The following GNRHR variants were observed in gnomAD, a reference collection of about 807,000 sequenced individuals.
The protein encoded by GNRHR is gonadotropin-releasing hormone receptor.
A neutral mutation model predicts 28.1 loss-of-function variants in GNRHR; 14 were observed. The ratio of observed to expected loss-of-function variants is 0.50; its 90% CI spans 0.33 to 0.78. The LOEUF is 0.78. GNRHR is among the 30% of genes least tolerant of loss of function. The pLI is 0.02. For synonymous variants in GNRHR, 141 were observed against 140.5 expected (o/e 1.00, Z -0.02); for missense variants, 366 against 382.1 (o/e 0.96, Z 0.35).
chr4:67,752,026 C>T (rs990493264), intron 1 of GNRHR, among the ~76,000 whole-genome samples: 2 of 152,254 alleles, frequency 1.3e-5, no homozygotes, highest in Non-Finnish European at 2.9e-5. Flanking sequence ...CTATTATTAA[C>T]TCTCTCAATC....
At chr4:67,753,504 T>C (rs963496305) in intron 1 of GNRHR, 4 of 271,740 alleles carry the variant, frequency 1.5e-5, no homozygotes, top group Non-Finnish European at 2.8e-5. Flanking sequence ...AATCGCATTT[T>C]TTTTGGGGAA....
At chr4:67,746,677 A>G (rs1305129706) in intron 1 of GNRHR, among the ~76,000 whole-genome samples, 1 of 152,008 alleles carries the variant, frequency 6.6e-6, no homozygotes, top group Non-Finnish European at 1.5e-5. Context: ...TACAATATTA[A>G]GAAACATGAT....
intron 1 of GNRHR, among the ~76,000 whole-genome samples, chr4:67,752,905 T>C (rs1462703293): frequency 6.6e-6 from 1 of 152,202 alleles, no homozygotes; most frequent in East Asian, 1.9e-4. Flanking sequence ...TTAATTCTGA[T>C]TTATTTCTTG....
intron 2 of GNRHR, among the ~76,000 whole-genome samples, chr4:67,741,538 GC>G (rs1200219643): frequency 1.3e-5 from 2 of 152,016 alleles, no homozygotes; most frequent in Non-Finnish European, 2.9e-5. Flanking sequence ...TTCATATAAT[GC>G]CTTTTTTCCC....
chr4:67,743,209 C>T (rs866900889), intron 2 of GNRHR, among the ~76,000 whole-genome samples: 1 of 152,192 alleles, frequency 6.6e-6, no homozygotes, highest in Non-Finnish European at 1.5e-5. Flanking sequence ...GCTTCGGCCT[C>T]CCAAAGTGCT....
intron 2 of GNRHR, among the ~76,000 whole-genome samples, chr4:67,741,514 G>C (rs531365582): frequency 2.0e-5 from 3 of 152,190 alleles, no homozygotes; most frequent in South Asian, 4.1e-4. Flanking sequence ...GAACATTCCT[G>C]TGCAAGTATC....
intron 1 of GNRHR, among the ~76,000 whole-genome samples, chr4:67,750,745 GA>G (rs1299311139): frequency 6.6e-6 from 1 of 151,912 alleles, no homozygotes; most frequent in Non-Finnish European, 1.5e-5. Flanking sequence ...TCAAATAATA[GA>G]AAATCGGTAT....
chr4:67,753,383 GCAAATT>G (rs779598698), intron 1 of GNRHR, among the ~76,000 whole-genome samples: 24 of 152,002 alleles, frequency 1.6e-4, no homozygotes, highest in Non-Finnish European at 3.1e-4. Flanking sequence ...TTCTACCTAG[GCAAATT>G]TCATAATTCC....
Position 67,739,340 on chromosome 4 carries a change from G to A in GNRHR, c.*1140C>T, listed in dbSNP as rs1731612456. On this transcript the variant is annotated 3_prime_UTR_variant, in exon 3 of 3. Transcript: ENST00000226413. ...GTCTAGTCTATCCCCTTAAGATTGT[G>A]TTTTTTAAATGCACAAAATAATACA... 1 of 151,946 alleles carries A rather than the reference G, an allele frequency of 6.6e-6. No homozygotes were observed. The highest frequency in any genetic ancestry group is 1.5e-5 in the Non-Finnish European group (1 of 67,894). 9.4% of individuals were successfully genotyped at this position (151,946 alleles called of 1,614,324 possible).
chr4:67,744,166 G>T (rs545643117), intron 2 of GNRHR, among the ~76,000 whole-genome samples: 9 of 152,260 alleles, frequency 5.9e-5, no homozygotes, highest in African/African-American at 2.2e-4. Flanking sequence ...AAATATATGG[G>T]ATTTGAATAT....
intron 2 of GNRHR, among the ~76,000 whole-genome samples, chr4:67,743,017 A>G (rs1220012484): frequency 1.3e-5 from 2 of 151,814 alleles, no homozygotes. Context: ...CAATGGTACA[A>G]TCTTGGCTCA....
In GNRHR at chr4:67,739,196, A is replaced by T. The variant is rs1321654710; in HGVS notation, c.*1284T>A. On this transcript the variant is annotated 3_prime_UTR_variant, in exon 3 of 3. Transcript: ENST00000226413. ...TTCATCCCTTTCCATTTTTCATGGA[A>T]GAGGTAGACACAAGCCTGAATTACA... The T allele has an allele frequency of 2.0e-5, 3 of 151,964 alleles. No homozygotes were observed. The highest frequency in any genetic ancestry group is 4.4e-5 in the Non-Finnish European group (3 of 67,884). 9.4% of individuals were successfully genotyped at this position (151,964 alleles called of 1,614,324 possible).
At chr4:67,752,799 G>GT (rs138040976) in intron 1 of GNRHR, among the ~76,000 whole-genome samples, 66,040 of 123,184 alleles carry the variant, frequency 0.54, 16,134 homozygotes, top group South Asian at 0.69. Context: ...CTGCATGGCA[G>GT]TTTTTTTTTG....
rs147203782 is a variant in GNRHR at position 67,742,265 on chromosome 4, C to G, written c.743-1541G>C. On this transcript the variant is annotated intron_variant, in intron 2 of 2. Coordinates refer to ENST00000226413, the MANE Select transcript of GNRHR (RefSeq NM_000406.3). The stretch of plus-strand genomic sequence containing the variant: ...ATGAGGATCCAGTTTCATTCTTCTA[C>G]ACATGGCTAGCCAATTATCCCAGCA... Among the ~76,000 whole-genome samples, 692 of 152,282 alleles carry G rather than the reference C, an allele frequency of 4.5e-3. 8 individuals are homozygous for G. The highest frequency in any genetic ancestry group is 0.016 in the African/African-American group (659 of 41,544).
chr4:67,751,314 A>T (rs1274151648), intron 1 of GNRHR, among the ~76,000 whole-genome samples: 1 of 152,194 alleles, frequency 6.6e-6, no homozygotes, highest in Non-Finnish European at 1.5e-5. Context: ...TCTCTTATAT[A>T]TGAAATAGGG....
intron 1 of GNRHR, among the ~76,000 whole-genome samples, chr4:67,752,057 T>C (rs1185887757): frequency 6.6e-6 from 1 of 152,208 alleles, no homozygotes; most frequent in Non-Finnish European, 1.5e-5. Context: ...TCAGGTTTTG[T>C]ATTTTATTTG....
chr4:67,740,671 G>C lies in GNRHR; in HGVS notation c.796C>G (p.Leu266Val), dbSNP rs956181452. 1.9e-6 allele frequency: 3 copies of C among 1,605,090 alleles called. No homozygotes were observed. The highest frequency in any genetic ancestry group is 2.6e-6 in the Non-Finnish European group (3 of 1,171,712). The change falls in exon 3 of 3, where the codon CTA becomes GTA. Residue 266 changes from leucine (L) to valine (V), a missense_variant. Coordinates refer to ENST00000226413, the MANE Select transcript of GNRHR (RefSeq NM_000406.3). Reference protein sequence around the residue: ...NNIPRARLKTLKMTVAFATSF... With the variant: ...NNIPRARLKTVKMTVAFATSF... ...GTGGCAAATGCAACCGTCATTTTTAGAGTCTTCAGCCGTGCTCTTGGTATA... is the reference window on the plus strand; with the variant it reads ...GTGGCAAATGCAACCGTCATTTTTACAGTCTTCAGCCGTGCTCTTGGTATA...
chr4:67,749,111 A>T (rs1036696628), intron 1 of GNRHR, among the ~76,000 whole-genome samples: 3 of 152,172 alleles, frequency 2.0e-5, no homozygotes, highest in Admixed American at 2.0e-4. Context: ...TATTTCTGCT[A>T]GTAGCACAGT....
chr4:67,744,228 G>T (rs1731714124), intron 2 of GNRHR, among the ~76,000 whole-genome samples: 1 of 152,136 alleles, frequency 6.6e-6, no homozygotes, highest in African/African-American at 2.4e-5. Context: ...TTAACAAGTT[G>T]TACTTTGCTA....
Sources: allele counts gnomAD v4.1 joint callset (sites outside exome capture counted in the v4.1 genomes callset), GRCh38; gene constraint gnomAD v4.1.1; transcripts MANE v1.5; gene names NCBI Gene and HGNC (gene_info 2026-07-23, HGNC 2026-07-21).